The following R3HCC1L variants were observed in gnomAD, a reference collection of about 807,000 sequenced individuals.
R3HCC1L encodes coiled-coil domain-containing protein R3HCC1L.
In R3HCC1L, 51 loss-of-function variants were observed where a neutral mutation model predicts 59.9. The ratio of observed to expected loss-of-function variants is 0.85; its 90% confidence interval spans 0.68 to 1.07. R3HCC1L has a LOEUF of 1.07. R3HCC1L is among the 50% of genes least tolerant of loss of function. R3HCC1L has a pLI of 0.00. For missense variants in R3HCC1L, 965 were observed against 933.0 expected (o/e 1.03, Z -0.45); for synonymous variants, 322 against 315.2 (o/e 1.02, Z -0.23).
At chr10:98,170,805 A>G (rs1275521083) in intron 4 of R3HCC1L, among the ~76,000 whole-genome samples, 3 of 152,232 alleles carry the variant, frequency 2.0e-5, no homozygotes, top group Non-Finnish European at 4.4e-5. Flanking sequence ...ATTTAGGTTA[A>G]GTCATAGAGC....
At chr10:98,223,999 G>A (rs570423943) in intron 5 of R3HCC1L, among the ~76,000 whole-genome samples, 2 of 152,278 alleles carry the variant, frequency 1.3e-5, no homozygotes, top group South Asian at 4.2e-4. Context: ...TACGCAGGTG[G>A]GGGGTTGTGG....
intron 9 of R3HCC1L, among the ~76,000 whole-genome samples, chr10:98,242,226 TACTC>T (rs1857603051): frequency 6.6e-6 from 1 of 152,046 alleles, no homozygotes; most frequent in Non-Finnish European, 1.5e-5. Flanking sequence ...ATGTGCCTGT[TACTC>T]AAGAGCTACT....
intron 7 of R3HCC1L, 52 bp downstream of exon 7, chr10:98,234,568 GC>G (rs1445836278): frequency 6.5e-7 from 1 of 1,538,586 alleles, no homozygotes; most frequent in Non-Finnish European, 8.9e-7. Flanking sequence ...ATTTTCTCAT[GC>G]TACTTTTTCT....
intron 4 of R3HCC1L, among the ~76,000 whole-genome samples, chr10:98,206,924 A>G (rs989536594): frequency 6.6e-6 from 1 of 152,204 alleles, no homozygotes; most frequent in South Asian, 2.1e-4. Context: ...GAGAAAAGGA[A>G]CAAGATAATC....
chr10:98,203,758 G>T (rs376102029), intron 4 of R3HCC1L, among the ~76,000 whole-genome samples: 65 of 152,286 alleles, frequency 4.3e-4, no homozygotes, highest in Admixed American at 1.3e-3. Flanking sequence ...AATCAGAGAG[G>T]TACTTAAAGG....
intron 5 of R3HCC1L, among the ~76,000 whole-genome samples, chr10:98,216,008 A>G (rs1854156400): frequency 1.3e-5 from 2 of 152,198 alleles, no homozygotes; most frequent in South Asian, 4.1e-4. Context: ...TTGTGAGAAC[A>G]GCTTGTGAAA....
rs145421501 is a variant in R3HCC1L, at chr10:98,242,661, C to G, written c.2270-1430C>G. On this transcript the variant is annotated intron_variant, in intron 9 of 9. Coordinates refer to ENST00000298999, the MANE Select transcript of R3HCC1L (RefSeq NM_001351015.2). ...CTCTCGAATCTCTTCTCATATTACT[C>G]TTAAAGATTTAAGTTTCACACCTTA... Among the ~76,000 whole-genome samples the G allele has an allele frequency of 3.0e-3, 456 of 152,294 alleles. 4 individuals are homozygous for G. The highest frequency in any genetic ancestry group is 9.3e-3 in the African/African-American group (387 of 41,566).
At chr10:98,185,571 G>A (rs1564662678) in intron 4 of R3HCC1L, among the ~76,000 whole-genome samples, 1 of 152,118 alleles carries the variant, frequency 6.6e-6, no homozygotes, top group South Asian at 2.1e-4. Context: ...CAGTAGCTAA[G>A]ATGGAAAACA....
intron 5 of R3HCC1L, among the ~76,000 whole-genome samples, chr10:98,215,193 A>G (rs868110997): frequency 1.3e-5 from 2 of 152,196 alleles, no homozygotes; most frequent in African/African-American, 4.8e-5. Flanking sequence ...CAATATTTAA[A>G]CAGTGTACAG....
chr10:98,208,614 G>A lies in R3HCC1L; in HGVS notation c.500G>A (p.Cys167Tyr). The A allele has an allele frequency of 6.2e-7, 1 of 1,614,084 alleles. No individual in the cohort carries two copies. The highest frequency in any genetic ancestry group is 8.5e-7 in the Non-Finnish European group (1 of 1,180,004). ...GHERILLSQA[C>Y]LEISEAQVPS... ...GAGAGGATACTTCTTTCACAGGCCT[G>A]TTTAGAAATCAGCGAGGCTCAAGTT... The change falls in exon 5 of 10, where the codon TGT (cysteine) becomes TAT (tyrosine). Residue 167 changes from cysteine (C) to tyrosine (Y), a missense_variant. By Grantham distance (194) the Cys-to-Tyr change is radical. Coordinates refer to ENST00000298999, the MANE Select transcript of R3HCC1L (RefSeq NM_001351015.2).
chr10:98,210,854 G>A lies in R3HCC1L; in HGVS notation c.1785+955G>A, dbSNP rs150313051. ...GACCCTTTTGAATACTAAGTGATGAGTCTTTTGTTCTGAGAATTAAGCTGG... is the reference window on the plus strand; with the variant it reads ...GACCCTTTTGAATACTAAGTGATGAATCTTTTGTTCTGAGAATTAAGCTGG... On this transcript the variant is annotated intron_variant, in intron 5 of 9. Coordinates refer to ENST00000298999, the MANE Select transcript of R3HCC1L (RefSeq NM_001351015.2). Among the ~76,000 whole-genome samples the A allele has an allele frequency of 4.4e-3, 669 of 152,276 alleles. 3 individuals carry two copies. Among genetic ancestry groups the A allele is most frequent in the Middle Eastern group, 0.01 (3 of 294 alleles).
chr10:98,174,472 T>C (rs55785154), intron 4 of R3HCC1L: 2 of 684,702 alleles, frequency 2.9e-6, no homozygotes, highest in South Asian at 1.3e-4. Flanking sequence ...ATATGAAAGA[T>C]ACTATCTGCC....
intron 5 of R3HCC1L, among the ~76,000 whole-genome samples, chr10:98,222,284 G>C (rs1855087179): frequency 6.6e-6 from 1 of 152,068 alleles, no homozygotes; most frequent in African/African-American, 2.4e-5. Flanking sequence ...TTTGGGCTGA[G>C]ACAGTGGGGT....
rs1391609347 is a variant in R3HCC1L at position 98,244,327 on chromosome 10, C to A, written c.*169C>A. 8 of 592,196 alleles carry A rather than the reference C, an allele frequency of 1.4e-5. No homozygotes were observed. The highest frequency in any genetic ancestry group is 1.3e-4 in the African/African-American group (7 of 53,488). 36.7% of individuals were successfully genotyped at this position (592,196 alleles called of 1,614,324 possible). On this transcript the variant is annotated 3_prime_UTR_variant, in exon 10 of 10. Transcript: ENST00000298999. ...TAGAAGGAAGACAGACTCCTGTCTT[C>A]ACTCCTAAATGCAGTTCTTTGGAAT...
intron 1 of R3HCC1L, among the ~76,000 whole-genome samples, chr10:98,141,980 A>G (rs1300760579): frequency 1.3e-5 from 2 of 152,186 alleles, no homozygotes; most frequent in Admixed American, 1.3e-4. Flanking sequence ...AAACAGTATC[A>G]CTTTTTAAAT....
Position 98,214,813 on chromosome 10 carries a change from T to C in R3HCC1L, c.1785+4914T>C, listed in dbSNP as rs983534179. Reference sequence around the variant, plus strand: ...AGATAGAACTGCACAAGTCATTTTTTAAAAGTGGAATGTTAGCATTTAAAA... The same window carrying C: ...AGATAGAACTGCACAAGTCATTTTTCAAAAGTGGAATGTTAGCATTTAAAA... On this transcript the variant is annotated intron_variant, in intron 5 of 9. Coordinates refer to ENST00000298999, the MANE Select transcript of R3HCC1L (RefSeq NM_001351015.2). Among the ~76,000 whole-genome samples, 3 of 152,216 alleles carry C rather than the reference T, an allele frequency of 2.0e-5. No homozygotes were observed. In the East Asian group the frequency reaches 5.8e-4, roughly 29 times the overall value.
At chr10:98,212,973 A>C (rs1202523857) in intron 5 of R3HCC1L, among the ~76,000 whole-genome samples, 1 of 152,128 alleles carries the variant, frequency 6.6e-6, no homozygotes, top group South Asian at 2.1e-4. Flanking sequence ...TGGGTAAGAG[A>C]AGAGTAAAAG....
intron 4 of R3HCC1L, chr10:98,174,498 G>A: frequency 1.3e-6 from 1 of 798,290 alleles, no homozygotes; most frequent in Non-Finnish European, 1.5e-6. Flanking sequence ...GAAACTTGTA[G>A]AGTGTGAGAT....
Position 98,231,494 on chromosome 10 carries a change from G to T in R3HCC1L, c.1786-18G>T. The stretch of plus-strand genomic sequence containing the variant: ...AGGTTTAATGTAACCGGCACTTAAC[G>T]TGCTTCTTCCTTTCTAGTTATCAGG... On this transcript the variant is annotated intron_variant, in intron 5 of 9. Transcript: ENST00000298999. 1 of 1,603,814 alleles carries T rather than the reference G, an allele frequency of 6.2e-7. No individual in the cohort carries two copies. Among genetic ancestry groups the T allele is most frequent in the African/African-American group, 1.3e-5 (1 of 74,424 alleles).
Sources: gnomAD v4.1 joint callset for allele counts (sites outside exome capture counted in the v4.1 genomes callset) on GRCh38, gnomAD v4.1.1 for gene constraint, MANE v1.5 for transcripts, NCBI Gene and HGNC (gene_info 2026-07-23, HGNC 2026-07-21) for gene names.